ZNF536: variants seen among roughly 807,000 people sequenced by gnomAD.
ZNF536 encodes zinc finger protein 536.
Under a neutral mutation model 84.5 loss-of-function variants are expected in ZNF536, and 13 were observed. That is an observed-to-expected ratio of 0.15 (90% CI 0.10 to 0.24). The LOEUF (loss-of-function observed/expected upper bound fraction) is 0.24. Among genes scored for constraint, ZNF536 ranks in the 10% least tolerant of loss-of-function variants. The pLI, the probability that ZNF536 is intolerant of heterozygous loss-of-function variation, is 1.00. For synonymous variants in ZNF536, 811 were observed against 742.5 expected, an observed-to-expected ratio of 1.09 and a Z score of -1.50; for missense variants, 1,536 against 1,747.5, an observed-to-expected ratio of 0.88 and a Z score of 2.16.
At chr19:30,390,294 A>G (rs1174184398) in intron 1 of ZNF536, among the ~76,000 whole-genome samples, 1 of 152,238 alleles carries the variant, frequency 6.6e-6, no homozygotes, top group Non-Finnish European at 1.5e-5. Flanking sequence ...AAAAAATGCT[A>G]GGGACTTCTC....
At chr19:30,294,471 T>C (rs2045935341) in intron 2 of ZNF536, among the ~76,000 whole-genome samples, 1 of 152,094 alleles carries the variant, frequency 6.6e-6, no homozygotes. Flanking sequence ...TGAGACAATA[T>C]TGACAGTTAA....
At chr19:30,279,514 G>GA (rs2045360124) in intron 1 of ZNF536, among the ~76,000 whole-genome samples, 1 of 152,212 alleles carries the variant, frequency 6.6e-6, no homozygotes, top group African/African-American at 2.4e-5. Context: ...GAATCACTCA[G>GA]TGCTTGGAGA....
intron 2 of ZNF536, among the ~76,000 whole-genome samples, chr19:30,293,021 C>T (rs1290009190): frequency 6.6e-6 from 1 of 152,162 alleles, no homozygotes; most frequent in African/African-American, 2.4e-5. Flanking sequence ...TGATTGATTC[C>T]TTCTCCTTCA....
At chr19:30,405,748 G>A (rs1219928886) in intron 1 of ZNF536, among the ~76,000 whole-genome samples, 1 of 151,856 alleles carries the variant, frequency 6.6e-6, no homozygotes, top group Non-Finnish European at 1.5e-5. Flanking sequence ...ACTGAAGAAT[G>A]TGGAGGCCCT....
chr19:30,437,129 T>C (rs960510037), intron 1 of ZNF536, among the ~76,000 whole-genome samples: 3 of 152,250 alleles, frequency 2.0e-5, no homozygotes, highest in Admixed American at 6.5e-5. Context: ...GCAAGATCTA[T>C]ATTTTTTTGG....
At chr19:30,309,632 CT>C (rs2046439112) in intron 2 of ZNF536, among the ~76,000 whole-genome samples, 1 of 152,218 alleles carries the variant, frequency 6.6e-6, no homozygotes. Context: ...TGTAACACTG[CT>C]GTCCAACTTT....
intron 4 of ZNF536, chr19:30,554,401 GCACGCCAC>G (rs2045895886): frequency 6.6e-6 from 1 of 151,884 alleles, no homozygotes; most frequent in Admixed American, 6.6e-5. Flanking sequence ...GATTACAGGT[GCACGCCAC>G]CACACCTGGC....
At chr19:30,531,226 T>C (rs2044802130) in intron 2 of ZNF536, among the ~76,000 whole-genome samples, 1 of 152,204 alleles carries the variant, frequency 6.6e-6, no homozygotes, top group Admixed American at 6.5e-5. Flanking sequence ...GGGCCACACA[T>C]ATCCAAGATA....
chr19:30,388,983 G>A (rs932606388), intron 1 of ZNF536, among the ~76,000 whole-genome samples: 32 of 152,178 alleles, frequency 2.1e-4, no homozygotes, highest in African/African-American at 7.7e-4. Context: ...GCCCCTTCAG[G>A]AGGTGTAAAG....
At chr19:30,596,790 T>C (rs1277205338) in intron 1 of ZNF536, among the ~76,000 whole-genome samples, 1 of 151,864 alleles carries the variant, frequency 6.6e-6, no homozygotes, top group African/African-American at 2.4e-5. Flanking sequence ...GGGGTTCTGA[T>C]GACCACATAG....
At chr19:30,618,109 T>C (rs1466088292) in intron 1 of ZNF536, among the ~76,000 whole-genome samples, 2 of 152,236 alleles carry the variant, frequency 1.3e-5, no homozygotes, top group African/African-American at 2.4e-5. Context: ...TTTGTTTTGG[T>C]GATTTCTGCT....
intron 1 of ZNF536, among the ~76,000 whole-genome samples, chr19:30,245,198 T>C (rs78056497): frequency 6.6e-6 from 1 of 152,308 alleles, no homozygotes; most frequent in East Asian, 1.9e-4. Flanking sequence ...AGCACAATGC[T>C]CAGGTCCCAC....
intron 1 of ZNF536, among the ~76,000 whole-genome samples, chr19:30,672,807 G>A (rs978714919): frequency 6.6e-6 from 1 of 152,162 alleles, no homozygotes; most frequent in Admixed American, 6.5e-5. Context: ...AGGAGGGAGT[G>A]GGGGGAGCAG....
At chr19:30,547,900 T>C in intron 3 of ZNF536, 43 bp from the exon 4 acceptor site, 1 of 1,510,244 alleles carries the variant, frequency 6.6e-7, no homozygotes, top group Non-Finnish European at 8.8e-7. Context: ...CACACCAAAA[T>C]GAGATAAACG....
chr19:30,507,852 CG>C (rs2055237395), intron 2 of ZNF536, among the ~76,000 whole-genome samples: 1 of 152,172 alleles, frequency 6.6e-6, no homozygotes, highest in Admixed American at 6.5e-5. Flanking sequence ...CATGCGCATA[CG>C]TGATGAACCC....
intron 2 of ZNF536, among the ~76,000 whole-genome samples, chr19:30,489,597 A>C (rs998185786): frequency 6.6e-6 from 1 of 152,174 alleles, no homozygotes; most frequent in Non-Finnish European, 1.5e-5. Context: ...ATGAAAGTAA[A>C]AATAAGGAAA....
At chr19:30,703,123 A>G (rs2052059472) in intron 1 of ZNF536, among the ~76,000 whole-genome samples, 1 of 152,094 alleles carries the variant, frequency 6.6e-6, no homozygotes, top group Non-Finnish European at 1.5e-5. Context: ...AGTTTGCAGG[A>G]GTTGGATGAA....
At chr19:30,616,520 G>T (rs1174780765) in intron 1 of ZNF536, among the ~76,000 whole-genome samples, 1 of 152,034 alleles carries the variant, frequency 6.6e-6, no homozygotes, top group African/African-American at 2.4e-5. Flanking sequence ...TTTGATCAAG[G>T]CCTGTTATTC....
chr19:30,509,836 G>A (rs535688763), intron 2 of ZNF536, among the ~76,000 whole-genome samples: 223 of 152,354 alleles, frequency 1.5e-3, no homozygotes, highest in African/African-American at 5.1e-3. Flanking sequence ...TTCATCAGGG[G>A]AAGAAGCAGA....
Sources: allele counts gnomAD v4.1 joint callset (sites outside exome capture counted in the v4.1 genomes callset), GRCh38; gene constraint gnomAD v4.1.1; transcripts MANE v1.5; gene names NCBI Gene and HGNC (gene_info 2026-07-23, HGNC 2026-07-21).